The following SLC44A5 variants were observed in gnomAD, a reference collection of about 807,000 sequenced individuals.
SLC44A5 encodes the protein choline transporter-like protein 5.
SLC44A5 carries 57 observed loss-of-function variants against 101.8 expected under a neutral mutation model. The ratio of observed to expected loss-of-function variants is 0.56; its 90% confidence interval spans 0.45 to 0.70. SLC44A5 has a LOEUF of 0.70. Ranked by LOEUF, SLC44A5 falls within the 30% of genes least tolerant of loss-of-function variation. The probability of loss-of-function intolerance (pLI) is 0.00; values close to 1 mark genes in which losing one functional copy is unlikely to be tolerated. For missense variants in SLC44A5, 737 were observed against 853.1 expected (o/e 0.86, Z 1.70); for synonymous variants, 281 against 290.9 (o/e 0.97, Z 0.35).
the SLC44A5 span, among the ~76,000 whole-genome samples, chr1:75,721,091 C>G: frequency 6.6e-6 from 1 of 152,106 alleles, no homozygotes; most frequent in East Asian, 1.9e-4. Flanking sequence ...GTAAATGTTT[C>G]TTATCAGACT....
At chr1:75,594,427 T>A (rs1674524924) in intron 1 of SLC44A5, among the ~76,000 whole-genome samples, 1 of 152,056 alleles carries the variant, frequency 6.6e-6, no homozygotes, top group Non-Finnish European at 1.5e-5. Flanking sequence ...TACCCCATTT[T>A]GTATTATATT....
At chr1:75,243,037 C>T in intron 7 of SLC44A5, 26 bp from the exon 8 acceptor site, 1 of 1,599,698 alleles carries the variant, frequency 6.3e-7, no homozygotes. Flanking sequence ...GTGATGAGAA[C>T]TGAACTGAGT....
chr1:75,353,167 T>C (rs1658813195), intron 3 of SLC44A5, among the ~76,000 whole-genome samples: 1 of 152,106 alleles, frequency 6.6e-6, no homozygotes, highest in South Asian at 2.1e-4. Flanking sequence ...CAGAAGAAAA[T>C]GAAAGGTTAC....
In SLC44A5 at chr1:75,447,810, A is replaced by C. The variant is rs142153455; in HGVS notation, c.14-51189T>G. On this transcript the variant is annotated intron_variant, in intron 2 of 23. Transcript: ENST00000370859. Reference sequence around the variant, plus strand: ...GATAGGCTAGTTCATAGTTATAGAAACAAATATATCTAGGTTTCAGTAAGT... The same window carrying C: ...GATAGGCTAGTTCATAGTTATAGAACCAAATATATCTAGGTTTCAGTAAGT... Among the ~76,000 whole-genome samples, 803 of 152,226 alleles carry C rather than the reference A, an allele frequency of 5.3e-3. 6 individuals carry two copies. Among genetic ancestry groups the C allele is most frequent in the African/African-American group, 0.018 (755 of 41,556 alleles).
chr1:75,481,454 A>C (rs899288289), intron 2 of SLC44A5, among the ~76,000 whole-genome samples: 1 of 152,176 alleles, frequency 6.6e-6, no homozygotes, highest in Non-Finnish European at 1.5e-5. Context: ...AACTACCATC[A>C]GACTGAACAG....
At chr1:75,314,429 C>T (rs1655540248) in intron 4 of SLC44A5, among the ~76,000 whole-genome samples, 1 of 152,144 alleles carries the variant, frequency 6.6e-6, no homozygotes. Flanking sequence ...TTAAAAGCTC[C>T]AAGACTTGCA....
intron 5 of SLC44A5, among the ~76,000 whole-genome samples, chr1:75,282,350 A>G (rs773510620): frequency 2.0e-5 from 3 of 152,166 alleles, no homozygotes; most frequent in Non-Finnish European, 2.9e-5. Flanking sequence ...CTAGGAAGTA[A>G]TTAACTTGCT....
At chr1:75,530,927 A>G (rs1489650535) in intron 2 of SLC44A5, among the ~76,000 whole-genome samples, 1 of 152,194 alleles carries the variant, frequency 6.6e-6, no homozygotes, top group Non-Finnish European at 1.5e-5. Context: ...CAGAAAATTA[A>G]TGAATATTAA....
chr1:75,670,353 G>A, the SLC44A5 span, among the ~76,000 whole-genome samples: 19 of 152,084 alleles, frequency 1.2e-4, no homozygotes, highest in African/African-American at 4.3e-4. Flanking sequence ...GACTTTTAAA[G>A]CTCAAAAGTA....
chr1:75,592,877 C>T (rs1270446513), intron 1 of SLC44A5, among the ~76,000 whole-genome samples: 1 of 152,110 alleles, frequency 6.6e-6, no homozygotes, highest in African/African-American at 2.4e-5. Flanking sequence ...AGACCTCAAA[C>T]TATGAAACTA....
chr1:75,607,802 G>A lies in SLC44A5; in HGVS notation c.-70+3238C>T, dbSNP rs571441900. Among the ~76,000 whole-genome samples the A allele has an allele frequency of 1.1e-4, 16 of 152,054 alleles. No individual in the cohort carries two copies. The East Asian group carries it at 3.1e-3, about 29-fold the overall frequency. ...TCCTCATTCACCTTCTGCCATGATG[G>A]TGAGGCCTCACCAGCCATGTGGAAC... On this transcript the variant is annotated intron_variant, in intron 1 of 23. Transcript: ENST00000370859.
At chr1:75,695,418 A>G in the SLC44A5 span, among the ~76,000 whole-genome samples, 1 of 152,182 alleles carries the variant, frequency 6.6e-6, no homozygotes, top group Non-Finnish European at 1.5e-5. Context: ...CATCCCAACT[A>G]GAAGATAAAC....
At chr1:75,573,461 T>C (rs1570647194) in intron 1 of SLC44A5, among the ~76,000 whole-genome samples, 2 of 152,242 alleles carry the variant, frequency 1.3e-5, no homozygotes, top group African/African-American at 2.4e-5. Context: ...TTTTTTATTC[T>C]AAATTCTTCT....
At chr1:75,643,177 C>G in the SLC44A5 span, among the ~76,000 whole-genome samples, 1 of 152,048 alleles carries the variant, frequency 6.6e-6, no homozygotes. Context: ...TCATATAGAT[C>G]TAGTAACTTT....
intron 13 of SLC44A5, among the ~76,000 whole-genome samples, chr1:75,225,324 GT>G (rs1350004101): frequency 1.3e-5 from 2 of 152,052 alleles, no homozygotes; most frequent in Non-Finnish European, 2.9e-5. Flanking sequence ...TACCATCTAG[GT>G]TTGCATAAGG....
At chr1:75,600,404 AATT>A (rs1674902148) in intron 1 of SLC44A5, among the ~76,000 whole-genome samples, 1 of 152,176 alleles carries the variant, frequency 6.6e-6, no homozygotes, top group Non-Finnish European at 1.5e-5. Context: ...CTATGTCTGA[AATT>A]GTTTGGGGTT....
the SLC44A5 span, among the ~76,000 whole-genome samples, chr1:75,696,248 T>A: frequency 2.5e-4 from 38 of 152,328 alleles, no homozygotes; most frequent in African/African-American, 7.2e-4. Context: ...TAAAGGCCTC[T>A]GTCCAAAGGT....
chr1:75,584,952 A>G (rs865821801), intron 1 of SLC44A5, among the ~76,000 whole-genome samples: 1 of 152,222 alleles, frequency 6.6e-6, no homozygotes, highest in Non-Finnish European at 1.5e-5. Flanking sequence ...TAATCCTGCA[A>G]ATAACACATA....
At chr1:75,385,833 A>T (rs11485280) in intron 3 of SLC44A5, among the ~76,000 whole-genome samples, 3 of 151,530 alleles carry the variant, frequency 2.0e-5, no homozygotes, top group African/African-American at 7.3e-5. Flanking sequence ...AAACGAATCC[A>T]GCAGCACATC....
Sources: gnomAD v4.1 joint callset for allele counts (sites outside exome capture counted in the v4.1 genomes callset) on GRCh38, gnomAD v4.1.1 for gene constraint, MANE v1.5 for transcripts, NCBI Gene and HGNC (gene_info 2026-07-23, HGNC 2026-07-21) for gene names.